FBXL17: variants seen among roughly 807,000 people sequenced by gnomAD.
FBXL17 encodes the protein F-box/LRR-repeat protein 17.
In FBXL17, 22 loss-of-function variants were observed where a neutral mutation model predicts 66.2. The observed-to-expected ratio is 0.33, with a 90% confidence interval of 0.24 to 0.47. The LOEUF (loss-of-function observed/expected upper bound fraction) is 0.47, where lower values mean the gene tolerates loss of function less well. Ranked by LOEUF, FBXL17 falls within the 20% of genes least tolerant of loss-of-function variation. The pLI is 1.00. For synonymous variants in FBXL17, 474 were observed against 400.5 expected, an observed-to-expected ratio of 1.18 and a Z score of -2.19; for missense variants, 878 against 948.2, an observed-to-expected ratio of 0.93 and a Z score of 0.97.
chr5:108,055,630 A>AAAG (rs1554060745), intron 6 of FBXL17, among the ~76,000 whole-genome samples: 10 of 149,208 alleles, frequency 6.7e-5, no homozygotes, highest in African/African-American at 2.2e-4. Context: ...AAAAAAAAAA[A>AAAG]AGAGAGAAAA....
rs77048328 is a variant in FBXL17, at chr5:108,112,010, G to C, written c.1745+74107C>G. The stretch of plus-strand genomic sequence containing the variant: ...ATAAGTAAAACGTTCAATGCCTGGA[G>C]AGAGTTTCTGGATGCGGCAAGGGAA... On this transcript the variant is annotated intron_variant, in intron 6 of 8. Transcript: ENST00000542267. Among the ~76,000 whole-genome samples, 1,412 of 152,302 alleles carry C rather than the reference G, an allele frequency of 9.3e-3. 18 individuals carry two copies. The highest frequency in any genetic ancestry group is 0.032 in the African/African-American group (1,330 of 41,550).
intron 4 of FBXL17, among the ~76,000 whole-genome samples, chr5:108,292,769 C>T (rs1758167997): frequency 6.6e-6 from 1 of 152,170 alleles, no homozygotes; most frequent in South Asian, 2.1e-4. Flanking sequence ...AATACCAAGA[C>T]TTAGCATGGT....
chr5:108,192,733 A>C (rs1462983137), intron 5 of FBXL17, among the ~76,000 whole-genome samples: 2 of 152,158 alleles, frequency 1.3e-5, no homozygotes, highest in Non-Finnish European at 2.9e-5. Flanking sequence ...CAGAGGTTGC[A>C]GTGAGCCGAG....
intron 4 of FBXL17, among the ~76,000 whole-genome samples, chr5:108,315,458 CATTAT>C (rs771141030): frequency 6.6e-6 from 1 of 151,210 alleles, no homozygotes; most frequent in African/African-American, 2.4e-5. Context: ...TAAATAATTA[CATTAT>C]ATTTCAAAAT....
At chr5:108,089,786 TG>T (rs1749120267) in intron 6 of FBXL17, among the ~76,000 whole-genome samples, 1 of 152,218 alleles carries the variant, frequency 6.6e-6, no homozygotes, top group African/African-American at 2.4e-5. Flanking sequence ...GTTAAAAGAA[TG>T]ACCAAAGAGT....
At chr5:108,365,178 T>C (rs1180475841) in intron 2 of FBXL17, among the ~76,000 whole-genome samples, 183 bp from the exon 3 acceptor site, 1 of 152,108 alleles carries the variant, frequency 6.6e-6, no homozygotes, top group Non-Finnish European at 1.5e-5. Context: ...AATAATATTG[T>C]AATTGGTCTT....
intron 4 of FBXL17, among the ~76,000 whole-genome samples, chr5:108,293,685 T>C (rs1310490910): frequency 6.6e-6 from 1 of 152,176 alleles, no homozygotes; most frequent in Non-Finnish European, 1.5e-5. Flanking sequence ...TGTTAAGTCA[T>C]TAATTTTACC....
intron 6 of FBXL17, among the ~76,000 whole-genome samples, chr5:108,033,816 A>G (rs1457133662): frequency 6.6e-6 from 1 of 152,204 alleles, no homozygotes; most frequent in African/African-American, 2.4e-5. Context: ...CGTAAAGACG[A>G]GTTCAACATT....
At chr5:108,114,570 T>C (rs1274405935) in intron 6 of FBXL17, among the ~76,000 whole-genome samples, 2 of 152,224 alleles carry the variant, frequency 1.3e-5, no homozygotes, top group East Asian at 1.9e-4. Context: ...GTGACTTTTA[T>C]ATTCTTATTT....
intron 6 of FBXL17, among the ~76,000 whole-genome samples, chr5:108,155,336 G>T (rs1285581150): frequency 6.6e-6 from 1 of 152,010 alleles, no homozygotes; most frequent in African/African-American, 2.4e-5. Context: ...GCAACATGGT[G>T]AAACTCCATC....
At chr5:108,053,401 C>A (rs1448740014) in intron 6 of FBXL17, among the ~76,000 whole-genome samples, 1 of 152,062 alleles carries the variant, frequency 6.6e-6, no homozygotes, top group East Asian at 1.9e-4. Flanking sequence ...ACAGACACTT[C>A]TCAAAAGAAG....
intron 7 of FBXL17, among the ~76,000 whole-genome samples, chr5:107,890,170 A>C (rs140560424): frequency 3.3e-5 from 5 of 152,170 alleles, no homozygotes; most frequent in Admixed American, 1.3e-4. Flanking sequence ...TATCCTTTCC[A>C]AAATCCTGAC....
chr5:107,947,350 G>C (rs1751347247), intron 7 of FBXL17, among the ~76,000 whole-genome samples: 1 of 152,252 alleles, frequency 6.6e-6, no homozygotes, highest in African/African-American at 2.4e-5. Context: ...GCCTGGGCTG[G>C]GAGGTGCCTG....
chr5:108,127,242 C>T (rs115909998), intron 6 of FBXL17, among the ~76,000 whole-genome samples: 1,618 of 152,270 alleles, frequency 0.011, 38 homozygotes, highest in African/African-American at 0.037. Context: ...CTATCATCCT[C>T]ACTATAGTAG....
intron 7 of FBXL17, among the ~76,000 whole-genome samples, chr5:107,942,705 C>G (rs1430810029): frequency 6.6e-6 from 1 of 151,916 alleles, no homozygotes; most frequent in Non-Finnish European, 1.5e-5. Context: ...ATGCCTCTCC[C>G]TAGTATCTCT....
intron 6 of FBXL17, among the ~76,000 whole-genome samples, chr5:108,034,172 ACAC>A (rs1246372399): frequency 1.3e-5 from 2 of 152,152 alleles, no homozygotes; most frequent in Non-Finnish European, 2.9e-5. Flanking sequence ...TTCAGGACAC[ACAC>A]CTTTAGTCAT....
intron 7 of FBXL17, among the ~76,000 whole-genome samples, chr5:107,948,635 A>G (rs1314690251): frequency 1.3e-5 from 2 of 152,168 alleles, no homozygotes; most frequent in Admixed American, 6.5e-5. Flanking sequence ...GAACCCTTCA[A>G]TGTCATGTCA....
intron 6 of FBXL17, among the ~76,000 whole-genome samples, chr5:108,147,230 C>T (rs1440051145): frequency 6.6e-6 from 1 of 152,210 alleles, no homozygotes; most frequent in Non-Finnish European, 1.5e-5. Flanking sequence ...TTCCCAACAT[C>T]CAGCATAAAC....
intron 6 of FBXL17, among the ~76,000 whole-genome samples, chr5:108,165,062 T>C (rs553412489): frequency 4.4e-4 from 67 of 152,274 alleles, no homozygotes; most frequent in Admixed American, 2.2e-3. Flanking sequence ...CAACAAAAAG[T>C]ATACAAAGAT....
Sources: gnomAD v4.1 joint callset for allele counts (sites outside exome capture counted in the v4.1 genomes callset) on GRCh38, gnomAD v4.1.1 for gene constraint, MANE v1.5 for transcripts, NCBI Gene and HGNC (gene_info 2026-07-23, HGNC 2026-07-21) for gene names.